The following PPM1H variants were observed in gnomAD, a reference collection of about 807,000 sequenced individuals.
PPM1H encodes the protein protein phosphatase 1H.
Under a neutral mutation model 54.9 loss-of-function variants are expected in PPM1H, and 27 were observed. That is an observed-to-expected ratio of 0.49 (90% CI 0.36 to 0.68). The LOEUF is 0.68. Ranked by LOEUF, PPM1H falls within the 30% of genes least tolerant of loss-of-function variation. The pLI is 0.00. For missense variants in PPM1H, 596 were observed against 667.8 expected (o/e 0.89, Z 1.19); for synonymous variants, 305 against 270.8 (o/e 1.13, Z -1.24).
At chr12:62,891,017 G>A (rs1870775446) in intron 1 of PPM1H, among the ~76,000 whole-genome samples, 1 of 147,386 alleles carries the variant, frequency 6.8e-6, no homozygotes, top group Admixed American at 7.0e-5. Context: ...GCTGAGACAG[G>A]AGAATCGCTT....
chr12:62,707,227 G>A (rs2076180320), intron 6 of PPM1H, among the ~76,000 whole-genome samples: 1 of 152,168 alleles, frequency 6.6e-6, no homozygotes, highest in South Asian at 2.1e-4. Context: ...GACTATCCAG[G>A]TTATGGGCAC....
chr12:62,839,751 G>A (rs902452158), intron 1 of PPM1H, among the ~76,000 whole-genome samples: 6 of 151,634 alleles, frequency 4.0e-5, no homozygotes, highest in Admixed American at 1.3e-4. Flanking sequence ...GTCCTTCTGG[G>A]TTTCTGACAC....
At chr12:62,799,676 C>T (rs510656) in intron 3 of PPM1H, among the ~76,000 whole-genome samples, 21,663 of 152,140 alleles carry the variant, frequency 0.14, 2,224 homozygotes, top group African/African-American at 0.3. Context: ...CTGGTATTTT[C>T]ATTGGGATTG....
intron 1 of PPM1H, among the ~76,000 whole-genome samples, chr12:62,919,858 C>T (rs1178611339): frequency 6.6e-6 from 1 of 152,120 alleles, no homozygotes; most frequent in Non-Finnish European, 1.5e-5. Context: ...CAGGTAGTCT[C>T]TGTCAGCACT....
chr12:62,713,907 G>A (rs919849562), intron 6 of PPM1H, among the ~76,000 whole-genome samples: 3 of 152,074 alleles, frequency 2.0e-5, no homozygotes, highest in South Asian at 4.2e-4. Context: ...GGTTGAGGCT[G>A]CAGTGAGCCA....
intron 9 of PPM1H, 89 bp downstream of exon 9, chr12:62,667,089 G>A (rs2075923022): frequency 7.1e-7 from 1 of 1,401,648 alleles, no homozygotes; most frequent in Non-Finnish European, 9.8e-7. Flanking sequence ...TCTAAGTCAT[G>A]AATTATGAAA....
At chr12:62,752,280 T>C (rs796943482) in intron 4 of PPM1H, among the ~76,000 whole-genome samples, 5 of 152,318 alleles carry the variant, frequency 3.3e-5, no homozygotes, top group African/African-American at 9.6e-5. Context: ...GTCAGTAGAA[T>C]AGTAATTTAC....
At chr12:62,860,409 C>T (rs1319882373) in intron 1 of PPM1H, among the ~76,000 whole-genome samples, 7 of 152,070 alleles carry the variant, frequency 4.6e-5, no homozygotes, top group Non-Finnish European at 1.0e-4. Context: ...CAATCAAAAC[C>T]TTGAAAGTAT....
intron 1 of PPM1H, among the ~76,000 whole-genome samples, chr12:62,875,325 T>C (rs1870121383): frequency 6.6e-6 from 1 of 152,154 alleles, no homozygotes; most frequent in African/African-American, 2.4e-5. Context: ...AGAAGAAAAG[T>C]GAGTGTTGCT....
At chr12:62,697,620 CTTCT>C (rs766096465) in intron 6 of PPM1H, among the ~76,000 whole-genome samples, 137 of 152,242 alleles carry the variant, frequency 9.0e-4, no homozygotes, top group Middle Eastern at 6.8e-3. Flanking sequence ...CCTTGGCTTC[CTTCT>C]TTCTCATTTG....
At chr12:62,765,715 G>C (rs68180179) in intron 4 of PPM1H, among the ~76,000 whole-genome samples, 28,997 of 152,140 alleles carry the variant, frequency 0.19, 3,391 homozygotes, top group African/African-American at 0.32. Flanking sequence ...CACAGAGAGG[G>C]ATCAGTGAAC....
Position 62,648,428 on chromosome 12 carries a change from G to T in PPM1H, c.*61C>A. 1 of 1,589,026 alleles carries T rather than the reference G, an allele frequency of 6.3e-7. No individual in the cohort carries two copies. Among genetic ancestry groups the T allele is most frequent in the South Asian group, 1.1e-5 (1 of 87,686 alleles). On this transcript the variant is annotated 3_prime_UTR_variant, in exon 10 of 10. Transcript: ENST00000228705. ...CTCAGCTGGGGCACTTCCCAGTTCC[G>T]TCCTGCCAAGAGGCATCCCAGCTTT...
Position 62,648,540 on chromosome 12 carries a change from G to A in PPM1H, c.1494C>T (p.Asp498=), listed in dbSNP as rs199920858. Residue 498 remains aspartate (D), a synonymous_variant, in exon 10 of 10, where the codon GAC becomes GAT. Transcript: ENST00000228705. ...RISNDRLGSG[D]DISVYVIPLI... is the part of the protein sequence containing the mutation. ...AAGGAATGACATATACAGAAATGTC[G>A]TCTCCTGAGCCCAGTCGGTCATTAG... 163 of 1,613,932 alleles carry A rather than the reference G, an allele frequency of 1.0e-4. No homozygotes were observed. The highest frequency in any genetic ancestry group is 3.1e-4 in the African/African-American group (23 of 74,998).
intron 1 of PPM1H, among the ~76,000 whole-genome samples, chr12:62,889,241 C>T (rs1446397484): frequency 6.6e-6 from 1 of 152,140 alleles, no homozygotes; most frequent in African/African-American, 2.4e-5. Context: ...AATTTCAGCA[C>T]ATTATTTTGT....
At chr12:62,877,384 A>G (rs551255695) in intron 1 of PPM1H, among the ~76,000 whole-genome samples, 8 of 152,254 alleles carry the variant, frequency 5.3e-5, no homozygotes, top group African/African-American at 1.9e-4. Context: ...GGGGCCCCTC[A>G]CCTACAGAGC....
intron 1 of PPM1H, among the ~76,000 whole-genome samples, chr12:62,878,626 TAAAAAAAAAAA>T (rs34587900): frequency 4.4e-4 from 36 of 81,582 alleles, no homozygotes; most frequent in East Asian, 2.4e-3. Flanking sequence ...TGATTACGCT[TAAAAAAAAAAA>T]AAAAAAAAAA....
At chr12:62,828,619 A>T (rs1424023099) in intron 2 of PPM1H, among the ~76,000 whole-genome samples, 4 of 152,150 alleles carry the variant, frequency 2.6e-5, no homozygotes, top group African/African-American at 9.7e-5. Flanking sequence ...GCTCCCTCTA[A>T]GTAGGGATTT....
At chr12:62,709,650 A>G (rs944757581) in intron 6 of PPM1H, among the ~76,000 whole-genome samples, 2 of 152,112 alleles carry the variant, frequency 1.3e-5, no homozygotes, top group Non-Finnish European at 2.9e-5. Context: ...ATTTTCTTCA[A>G]ACCTTTTTGT....
chr12:62,667,394 G>T, intron 8 of PPM1H, 65 bp from the exon 9 acceptor site: 1 of 1,349,232 alleles, frequency 7.4e-7, no homozygotes, highest in South Asian at 1.4e-5. Context: ...CTAACAAACT[G>T]ACTTCTGATT....
Sources: allele counts gnomAD v4.1 joint callset (sites outside exome capture counted in the v4.1 genomes callset), GRCh38; gene constraint gnomAD v4.1.1; transcripts MANE v1.5; gene names NCBI Gene and HGNC (gene_info 2026-07-23, HGNC 2026-07-21).